DDX60: variants seen among roughly 807,000 people sequenced by gnomAD.
DDX60 encodes the protein DExD/H-box helicase 60.
A neutral mutation model predicts 212.8 loss-of-function variants in DDX60; 165 were observed. The ratio of observed to expected loss-of-function variants is 0.78; its 90% CI spans 0.68 to 0.88. The LOEUF (loss-of-function observed/expected upper bound fraction) is 0.88. Ranked by LOEUF, DDX60 falls within the 40% of genes least tolerant of loss-of-function variation. DDX60 has a pLI of 0.00. For synonymous variants in DDX60, 703 were observed against 685.3 expected, an observed-to-expected ratio of 1.03 and a Z score of -0.40; for missense variants, 1,905 against 2,003.9, an observed-to-expected ratio of 0.95 and a Z score of 0.94.
intron 6 of DDX60, among the ~76,000 whole-genome samples, chr4:168,297,358 GAAAGAAAGAAAGAAAGAAAGAA>G (rs1736427216): frequency 3.1e-5 from 2 of 63,518 alleles, no homozygotes; most frequent in Admixed American, 1.3e-4. Context: ...AAGAAAGAAA[GAAAGAAAGAAAGAAAGAAAGAA>G]AGAGAAAGAA....
At chr4:168,237,967 A>G (rs1733689394) in intron 30 of DDX60, among the ~76,000 whole-genome samples, 172 bp from the exon 31 acceptor site, 1 of 152,128 alleles carries the variant, frequency 6.6e-6, no homozygotes, top group Non-Finnish European at 1.5e-5. Context: ...CTTCTTTAAC[A>G]AAATAGAGCA....
intron 18 of DDX60, among the ~76,000 whole-genome samples, chr4:168,272,871 A>G (rs2149519704): frequency 6.6e-6 from 1 of 152,340 alleles, no homozygotes; most frequent in African/African-American, 2.4e-5. Context: ...AAAACTGTCT[A>G]TGATTTAACA....
chr4:168,267,492 T>G (rs976415745), intron 22 of DDX60, 90 bp downstream of exon 22: 1 of 523,256 alleles, frequency 1.9e-6, no homozygotes, highest in African/African-American at 2.0e-5. Context: ...ATTCTATAAT[T>G]CTGATACATA....
rs1029908804 is a variant in DDX60, at chr4:168,237,158, T to C, written c.4411+128A>G. ...AGGTATTTACTTTATCAATTGAAGA[T>C]CTATAAATTATCTACATATTAATTG... On this transcript the variant is annotated intron_variant, in intron 32 of 37. Coordinates refer to ENST00000393743, the MANE Select transcript of DDX60 (RefSeq NM_017631.6). 1.0e-5 allele frequency: 6 copies of C among 593,846 alleles called. No individual in the cohort carries two copies. In the Admixed American group the frequency reaches 1.7e-4, roughly 17 times the overall value. 36.8% of individuals were successfully genotyped at this position (593,846 alleles called of 1,614,324 possible).
chr4:168,234,156 C>G (rs1733551237), intron 33 of DDX60, among the ~76,000 whole-genome samples: 1 of 152,032 alleles, frequency 6.6e-6, no homozygotes, highest in Non-Finnish European at 1.5e-5. Context: ...ATGATTTTCT[C>G]TTTGTGCTTT....
At chr4:168,261,058 A>C in intron 24 of DDX60, 69 bp from the exon 25 acceptor site, 1 of 1,499,116 alleles carries the variant, frequency 6.7e-7, no homozygotes, top group Non-Finnish European at 9.1e-7. Flanking sequence ...CTTTTTGCTA[A>C]AATATTTTCA....
At chr4:168,273,843 A>G (rs1210347300) in intron 17 of DDX60, 91 bp downstream of exon 17, 1 of 1,445,256 alleles carries the variant, frequency 6.9e-7, no homozygotes, top group East Asian at 2.3e-5. Flanking sequence ...TAAAAAATAA[A>G]GTGAACTAGA....
intron 22 of DDX60, among the ~76,000 whole-genome samples, chr4:168,266,337 C>T (rs1734846335): frequency 6.6e-6 from 1 of 152,096 alleles, no homozygotes; most frequent in South Asian, 2.1e-4. Flanking sequence ...ACACTTAGTA[C>T]CTTTTATATA....
intron 30 of DDX60, among the ~76,000 whole-genome samples, chr4:168,241,519 G>A (rs915839907): frequency 6.6e-6 from 1 of 152,180 alleles, no homozygotes; most frequent in African/African-American, 2.4e-5. Context: ...GTTGGGAACT[G>A]GAGCAAAGGT....
At chr4:168,291,568 A>G (rs1415990892) in intron 8 of DDX60, among the ~76,000 whole-genome samples, 180 bp downstream of exon 8, 3 of 152,236 alleles carry the variant, frequency 2.0e-5, no homozygotes, top group African/African-American at 4.8e-5. Context: ...ATATCATGCT[A>G]TTTGTTAGTT....
At chr4:168,276,294 G>A in intron 14 of DDX60, 113 bp from the exon 15 acceptor site, 1 of 809,114 alleles carries the variant, frequency 1.2e-6, no homozygotes, top group African/African-American at 1.7e-5. Context: ...CATTAGTGGA[G>A]GTTTTGGAGT....
At chr4:168,314,436 A>C (rs114113378) in intron 1 of DDX60, among the ~76,000 whole-genome samples, 4 of 152,184 alleles carry the variant, frequency 2.6e-5, no homozygotes, top group Admixed American at 2.6e-4. Context: ...AAGACCTTCA[A>C]AATTTTCTAA....
chr4:168,291,810 T>G lies in DDX60; in HGVS notation c.979A>C (p.Arg327=). Residue 327 remains arginine (R), a synonymous_variant, in exon 8 of 38, where the codon AGA becomes CGA. Transcript: ENST00000393743. The part of the protein sequence containing the change: ...VFLLHLPLSQ[R]ACARVITSHW... ...GAAGTGATGACTCTAGCACAAGCTCTTTGAGAAAGAGGCAGATGGAGTAGA... is the reference window on the plus strand; with the variant it reads ...GAAGTGATGACTCTAGCACAAGCTCGTTGAGAAAGAGGCAGATGGAGTAGA... 6.2e-7 allele frequency: 1 copy of G among 1,613,850 alleles called. No homozygotes were observed. Among genetic ancestry groups the G allele is most frequent in the Non-Finnish European group, 8.5e-7 (1 of 1,179,870 alleles).
chr4:168,267,997 T>A lies in DDX60; in HGVS notation c.2787-14A>T, dbSNP rs761881699. On this transcript the variant is annotated splice_polypyrimidine_tract_variant and intron_variant, in intron 20 of 37. Transcript: ENST00000393743. ...GATTGTAGCCACCTTAAAAAATAAA[T>A]GTACATATTATTTAGGCAGAACATG... 3.1e-6 allele frequency: 5 copies of A among 1,601,414 alleles called. No individual in the cohort carries two copies. The South Asian group carries it at 3.4e-5, about 11-fold the overall frequency.
intron 37 of DDX60, among the ~76,000 whole-genome samples, chr4:168,219,884 A>G (rs909447447): frequency 1.3e-5 from 2 of 151,946 alleles, no homozygotes; most frequent in Admixed American, 6.6e-5. Context: ...TAAAAATACA[A>G]TATTAGCCGG....
intron 25 of DDX60, among the ~76,000 whole-genome samples, 192 bp from the exon 26 acceptor site, chr4:168,256,061 T>C (rs1396478834): frequency 6.6e-6 from 1 of 151,802 alleles, no homozygotes. Context: ...TTATAGTAAA[T>C]AATGTTGCCT....
At chr4:168,240,546 G>A (rs1267762148) in intron 30 of DDX60, among the ~76,000 whole-genome samples, 9 of 152,096 alleles carry the variant, frequency 5.9e-5, no homozygotes. Flanking sequence ...ACAAGCTGGA[G>A]GCATCATGCT....
chr4:168,237,321 C>T lies in DDX60; in HGVS notation c.4376G>A (p.Gly1459Glu). The change falls in exon 32 of 38, where the codon GGA (glycine) becomes GAA (glutamate). Residue 1459 changes from glycine (G) to glutamate (E), a missense_variant. Physicochemically the swap from Gly to Glu is moderately conservative, Grantham distance 98. Transcript: ENST00000393743. ...NLVFVSFLVN[G>E]LFHDLCQPTR... ...TGGCTGACAGAGATCATGGAAGAGTCCATTTACAAGAAAACTGACAAAAAC... is the reference window on the plus strand; with the variant it reads ...TGGCTGACAGAGATCATGGAAGAGTTCATTTACAAGAAAACTGACAAAAAC... 6.3e-7 allele frequency: 1 copy of T among 1,587,342 alleles called. No individual in the cohort carries two copies. Among genetic ancestry groups the T allele is most frequent in the South Asian group, 1.2e-5 (1 of 85,600 alleles).
chr4:168,289,028 C>T (rs1401642176), intron 8 of DDX60, among the ~76,000 whole-genome samples: 1 of 152,148 alleles, frequency 6.6e-6, no homozygotes, highest in East Asian at 1.9e-4. Flanking sequence ...CTCCATAGGG[C>T]ATATATTTGG....
Sources: allele counts gnomAD v4.1 joint callset (sites outside exome capture counted in the v4.1 genomes callset), GRCh38; gene constraint gnomAD v4.1.1; transcripts MANE v1.5; gene names NCBI Gene and HGNC (gene_info 2026-07-23, HGNC 2026-07-21).